The following TM2D1 variants were observed in gnomAD, a reference collection of about 807,000 sequenced individuals.
The protein encoded by TM2D1 is TM2 domain-containing protein 1.
TM2D1 carries 15 observed loss-of-function variants against 28.4 expected under a neutral mutation model. The observed-to-expected ratio is 0.53, with a 90% CI of 0.35 to 0.81. The LOEUF (loss-of-function observed/expected upper bound fraction) is 0.81, where lower values mean the gene tolerates loss of function less well. Among genes scored for constraint, TM2D1 ranks in the 40% least tolerant of loss-of-function variants. The pLI, the probability that TM2D1 is intolerant of heterozygous loss-of-function variation, is 0.01. For missense variants in TM2D1, 236 were observed against 254.9 expected (o/e 0.93, Z 0.50); for synonymous variants, 93 against 96.2 (o/e 0.97, Z 0.20).
intron 2 of TM2D1, among the ~76,000 whole-genome samples, chr1:61,718,252 C>T (rs944105310): frequency 1.3e-4 from 19 of 151,224 alleles, no homozygotes; most frequent in Admixed American, 5.9e-4. Flanking sequence ...ATCCTGCGAC[C>T]AAACTCCAGC....
intron 3 of TM2D1, among the ~76,000 whole-genome samples, chr1:61,704,336 C>T (rs1020014739): frequency 1.3e-5 from 2 of 152,008 alleles, no homozygotes; most frequent in African/African-American, 4.8e-5. Context: ...CATATCAAGA[C>T]TTAAGGAAGA....
intron 2 of TM2D1, among the ~76,000 whole-genome samples, chr1:61,722,517 C>T (rs1488880236): frequency 1.3e-5 from 2 of 151,906 alleles, no homozygotes; most frequent in Non-Finnish European, 2.9e-5. Flanking sequence ...TACAGGTGCC[C>T]ATCACTGCAC....
At chr1:61,701,556 CGTGTGTGTGTGTGT>C (rs60257971) in intron 3 of TM2D1, among the ~76,000 whole-genome samples, 3 of 145,840 alleles carry the variant, frequency 2.1e-5, no homozygotes, top group East Asian at 2.0e-4. Flanking sequence ...AATTCTCTTT[CGTGTGTGTGTGTGT>C]GTGTGTGTGT....
chr1:61,722,463 G>A (rs983658099), intron 2 of TM2D1, among the ~76,000 whole-genome samples: 6 of 152,062 alleles, frequency 3.9e-5, no homozygotes, highest in Non-Finnish European at 7.4e-5. Flanking sequence ...CTGCCTCCCA[G>A]GTTCAAGCAA....
intron 4 of TM2D1, chr1:61,700,123 T>C: frequency 6.8e-7 from 1 of 1,469,082 alleles, no homozygotes; most frequent in South Asian, 1.5e-5. Flanking sequence ...CAAATTGAGG[T>C]CACTAGCTGA....
chr1:61,713,263 C>T (rs1279209575), intron 2 of TM2D1, among the ~76,000 whole-genome samples: 1 of 151,668 alleles, frequency 6.6e-6, no homozygotes, highest in Non-Finnish European at 1.5e-5. Context: ...GAATTGCTTG[C>T]AGCCAGGAGT....
chr1:61,691,250 C>T (rs1047230563), intron 5 of TM2D1, among the ~76,000 whole-genome samples: 3 of 152,060 alleles, frequency 2.0e-5, no homozygotes, highest in African/African-American at 7.2e-5. Context: ...AATCCCAGCA[C>T]TTTGGAAGGC....
At chr1:61,682,561 G>GA (rs1644252565) in intron 6 of TM2D1, among the ~76,000 whole-genome samples, 1 of 152,110 alleles carries the variant, frequency 6.6e-6, no homozygotes, top group Non-Finnish European at 1.5e-5. Flanking sequence ...GTTGAACCAG[G>GA]AAAAAGGATG....
Position 61,709,418 on chromosome 1 carries a change from G to A in TM2D1, c.258C>T (p.Pro86=). 6.2e-7 allele frequency: 1 copy of A among 1,602,146 alleles called. No homozygotes were observed. Among genetic ancestry groups the A allele is most frequent in the Non-Finnish European group, 8.5e-7 (1 of 1,172,332 alleles). The change falls in exon 3 of 7, where the codon CCC becomes CCT. Residue 86 remains proline, a synonymous_variant. Coordinates refer to ENST00000606498, the MANE Select transcript of TM2D1 (RefSeq NM_032027.3). The part of the protein sequence containing the change: ...YTAHVSCFPA[P]NITCKDSSGN... ...CACTGGAATCCTTACAAGTTATGTT[G>A]GGTGCTGGAAAACAGGAAACTGAAG...
At chr1:61,706,247 T>G (rs1033147212) in intron 3 of TM2D1, among the ~76,000 whole-genome samples, 1 of 152,170 alleles carries the variant, frequency 6.6e-6, no homozygotes, top group Non-Finnish European at 1.5e-5. Context: ...CTGTCACCAA[T>G]GCTGTAGTGC....
intron 3 of TM2D1, among the ~76,000 whole-genome samples, chr1:61,705,221 C>G (rs1422173078): frequency 6.6e-6 from 1 of 152,120 alleles, no homozygotes; most frequent in African/African-American, 2.4e-5. Flanking sequence ...TTCTCTGTTG[C>G]CCAGGCTGGA....
chr1:61,710,842 T>G (rs960143468), intron 2 of TM2D1, among the ~76,000 whole-genome samples: 1 of 152,144 alleles, frequency 6.6e-6, no homozygotes, highest in African/African-American at 2.4e-5. Flanking sequence ...TAGGCAAGAA[T>G]AGTACACTGA....
intron 2 of TM2D1, among the ~76,000 whole-genome samples, chr1:61,715,316 G>A (rs992589277): frequency 1.3e-5 from 2 of 152,042 alleles, no homozygotes; most frequent in East Asian, 1.9e-4. Flanking sequence ...TCTCTGAATC[G>A]TGTTTCCAAT....
intron 2 of TM2D1, among the ~76,000 whole-genome samples, chr1:61,719,529 G>C (rs1401375983): frequency 6.6e-6 from 1 of 152,108 alleles, no homozygotes; most frequent in East Asian, 1.9e-4. Context: ...TTTCACTCTT[G>C]TTGCCCAGGC....
chr1:61,711,329 CAAAAAAAAAAAAAA>C (rs1644477746), intron 2 of TM2D1, among the ~76,000 whole-genome samples: 1 of 86,082 alleles, frequency 1.2e-5, no homozygotes, highest in Non-Finnish European at 2.4e-5. Flanking sequence ...AACTCCACCT[CAAAAAAAAAAAAAA>C]GAAAAAAAAA....
chr1:61,716,414 T>TAA (rs1037978242), intron 2 of TM2D1, among the ~76,000 whole-genome samples: 52 of 145,258 alleles, frequency 3.6e-4, no homozygotes, highest in African/African-American at 1.3e-3. Context: ...ATTTTATATA[T>TAA]GTATATAATT....
At chr1:61,691,470 G>A (rs1211064116) in intron 5 of TM2D1, among the ~76,000 whole-genome samples, 1 of 139,136 alleles carries the variant, frequency 7.2e-6, no homozygotes, top group Non-Finnish European at 1.5e-5. Context: ...ACTCCAGCCT[G>A]GACGACAAGA....
chr1:61,713,932 A>G (rs1570123325), intron 2 of TM2D1, among the ~76,000 whole-genome samples: 1 of 121,662 alleles, frequency 8.2e-6, no homozygotes. Flanking sequence ...TCTGTCGCCC[A>G]GGCCGGACTG....
chr1:61,700,212 A>G (rs1390408627), intron 4 of TM2D1: 3 of 1,536,100 alleles, frequency 2.0e-6, no homozygotes, highest in African/African-American at 2.8e-5. Context: ...AATATGTCAC[A>G]GAATAAAGGA....
Sources: gnomAD v4.1 joint callset for allele counts (sites outside exome capture counted in the v4.1 genomes callset) on GRCh38, gnomAD v4.1.1 for gene constraint, MANE v1.5 for transcripts, NCBI Gene and HGNC (gene_info 2026-07-23, HGNC 2026-07-21) for gene names.